CLC: variants seen among roughly 807,000 people sequenced by gnomAD.
CLC encodes galectin-10.
CLC carries 15 observed loss-of-function variants against 13.9 expected under a neutral mutation model. That is an observed-to-expected ratio of 1.08 (90% CI 0.72 to 1.66). The LOEUF (loss-of-function observed/expected upper bound fraction) is 1.66, where lower values mean the gene tolerates loss of function less well. CLC is among the 40% of genes most tolerant of loss of function. The pLI is 0.00. For synonymous variants in CLC, 68 were observed against 59.9 expected, an observed-to-expected ratio of 1.14 and a Z score of -0.63; for missense variants, 161 against 169.1, an observed-to-expected ratio of 0.95 and a Z score of 0.27.
chr19:39,734,793 C>T (rs181533160), intron 2 of CLC, among the ~76,000 whole-genome samples: 212 of 152,222 alleles, frequency 1.4e-3, no homozygotes, highest in African/African-American at 4.7e-3. Context: ...CCTTGAGTGT[C>T]CTTTACTCCT....
intron 2 of CLC, 40 bp from the exon 3 acceptor site, chr19:39,734,533 T>A: frequency 6.5e-7 from 1 of 1,541,658 alleles, no homozygotes; most frequent in Non-Finnish European, 9.0e-7. Context: ...GTCCCTTTCT[T>A]GTGGGGCACA....
chr19:39,733,864 A>G, intron 3 of CLC: 1 of 912,358 alleles, frequency 1.1e-6, no homozygotes, highest in Non-Finnish European at 1.3e-6. Context: ...ACTGACTAAA[A>G]CAATTTTATT....
chr19:39,734,941 T>A, intron 2 of CLC, 56 bp downstream of exon 2: 1 of 1,338,514 alleles, frequency 7.5e-7, no homozygotes, highest in Non-Finnish European at 1.1e-6. Context: ...GGTCACCCCC[T>A]TAGAAAATAT....
chr19:39,737,800 A>G, intron 1 of CLC, 138 bp downstream of exon 1: 1 of 852,368 alleles, frequency 1.2e-6, no homozygotes, highest in Non-Finnish European at 1.9e-6. Flanking sequence ...CCATAGCCCT[A>G]GGGTCTCTCT....
At chr19:39,734,742 T>C (rs1482453338) in intron 2 of CLC, among the ~76,000 whole-genome samples, 1 of 152,160 alleles carries the variant, frequency 6.6e-6, no homozygotes, top group East Asian at 1.9e-4. Context: ...ATTTTCTGAA[T>C]ATTCTATGCC....
chr19:39,735,337 T>A (rs1967292603), intron 1 of CLC, among the ~76,000 whole-genome samples: 1 of 152,222 alleles, frequency 6.6e-6, no homozygotes, highest in Non-Finnish European at 1.5e-5. Flanking sequence ...TTTGAACCTT[T>A]TTTTTAGACA....
intron 2 of CLC, 89 bp from the exon 3 acceptor site, chr19:39,734,582 G>A: frequency 8.9e-7 from 1 of 1,121,198 alleles, no homozygotes; most frequent in South Asian, 1.3e-5. Context: ...CCCTTCCGTG[G>A]TCGAGCAAAG....
chr19:39,734,411 C>T lies in CLC; in HGVS notation c.175G>A (p.Gly59Ser), dbSNP rs376785804. The T allele has an allele frequency of 3.7e-6, 6 of 1,613,992 alleles. No homozygotes were observed. The African/African-American group carries it at 6.7e-5, about 18-fold the overall frequency. The change falls in exon 3 of 4, where the codon GGT (glycine) becomes AGT (serine). Residue 59 changes from glycine (G) to serine (S), a missense_variant. By Grantham distance (56) the Gly-to-Ser change is moderately conservative (BLOSUM62 0). Transcript: ENST00000221804. ...CGGCTGTTCATGACCACACGACGAC[C>T]AAAGCACACTTGGAAATGGAAGACA... ...DIVFHFQVCF[G>S]RRVVMNSREY...
At chr19:39,735,137 G>T (rs1967289697) in intron 1 of CLC, 64 bp from the exon 2 acceptor site, 1 of 1,137,044 alleles carries the variant, frequency 8.8e-7, no homozygotes, top group Non-Finnish European at 1.3e-6. Flanking sequence ...TCCTGTAACA[G>T]ATTCCCATGG....
chr19:39,734,103 T>C, intron 3 of CLC, 180 bp downstream of exon 3: 1 of 982,440 alleles, frequency 1.0e-6, no homozygotes, highest in East Asian at 1.1e-4. Flanking sequence ...AACCCCTGTG[T>C]GTGTGATAAA....
At position 39,733,854 on chromosome 19, in the gene CLC, A is replaced by T. The variant is rs959220660; in HGVS notation, c.303+429T>A. Reference sequence around the variant, plus strand: ...GAGGAGTGAGAAGTCTTCATATTGGACTGACTAAAACAATTTTATTCATGT... The same window carrying T: ...GAGGAGTGAGAAGTCTTCATATTGGTCTGACTAAAACAATTTTATTCATGT... On this transcript the variant is annotated intron_variant, in intron 3 of 3. Coordinates refer to ENST00000221804, the MANE Select transcript of CLC (RefSeq NM_001828.6). The T allele has an allele frequency of 8.7e-6, 7 of 800,814 alleles. No individual in the cohort carries two copies. The African/African-American group carries it at 1.3e-4, about 15-fold the overall frequency. 49.6% of individuals were successfully genotyped at this position (800,814 alleles called of 1,614,324 possible). A position where few individuals can be genotyped will look rare whatever the true frequency, so the allele number is the denominator to read the frequency against.
intron 3 of CLC, among the ~76,000 whole-genome samples, chr19:39,733,460 A>C (rs867815874): frequency 1.3e-5 from 2 of 152,194 alleles, no homozygotes; most frequent in Non-Finnish European, 2.9e-5. Flanking sequence ...AATAGGGAAA[A>C]GTTGGCAATG....
intron 3 of CLC, among the ~76,000 whole-genome samples, chr19:39,733,509 T>A (rs546306621): frequency 1.3e-5 from 2 of 152,338 alleles, no homozygotes; most frequent in Admixed American, 6.5e-5. Context: ...CAGTAACATT[T>A]GTGAGAGCAA....
Position 39,735,051 on chromosome 19 carries a change from G to T in CLC, c.38C>A (p.Ser13Tyr), listed in dbSNP as rs539549246. ...TGTCACAGTAGAACCAGTAGACAAA[G>T]AGGCAGCCTCTGTGTATGGCACCTG... ...LLPVPYTEAA[S>Y]LSTGSTVTIK... The change falls in exon 2 of 4, where the codon TCT becomes TAT. Residue 13 changes from serine to tyrosine, a missense_variant. By Grantham distance (144) the Ser-to-Tyr change is moderately radical. Transcript: ENST00000221804. 9.3e-6 allele frequency: 15 copies of T among 1,613,926 alleles called. No individual in the cohort carries two copies. Among genetic ancestry groups the T allele is most frequent in the Non-Finnish European group, 1.3e-5 (15 of 1,179,832 alleles).
chr19:39,734,902 A>G (rs1041215616), intron 2 of CLC, 95 bp downstream of exon 2: 2 of 993,474 alleles, frequency 2.0e-6, no homozygotes, highest in Non-Finnish European at 3.2e-6. Flanking sequence ...CATCCTGCCA[A>G]CTAGACTTTC....
At chr19:39,731,536 CA>C (rs1335495795) in intron 3 of CLC, 31 bp from the exon 4 acceptor site, 2 of 1,579,954 alleles carry the variant, frequency 1.3e-6, no homozygotes, top group Non-Finnish European at 1.7e-6. Context: ...ATCAGAAAGA[CA>C]GTATTTCACC....
At chr19:39,737,073 T>G (rs780423518) in intron 1 of CLC, among the ~76,000 whole-genome samples, 1 of 151,894 alleles carries the variant, frequency 6.6e-6, no homozygotes, top group African/African-American at 2.4e-5. Flanking sequence ...TTCAGTCTCT[T>G]AAATCAAGTC....
intron 1 of CLC, among the ~76,000 whole-genome samples, 169 bp from the exon 2 acceptor site, chr19:39,735,242 T>C (rs922730086): frequency 3.9e-5 from 6 of 152,160 alleles, no homozygotes; most frequent in African/African-American, 1.4e-4. Context: ...ATGGGGCCCA[T>C]GGTTAAGAGC....
In CLC at chr19:39,734,480, G is replaced by C. The variant is rs764821823; in HGVS notation, c.106C>G (p.Leu36Val). 1.2e-4 allele frequency: 186 copies of C among 1,613,874 alleles called. No individual in the cohort carries two copies. The highest frequency in any genetic ancestry group is 7.2e-4 in the South Asian group (66 of 91,092). ...PLACFLNEPY[L>V]QVDFHTEMKE... is the part of the protein sequence containing the mutation. ...ATCTCAGTGTGGAAATCCACCTGCA[G>C]ATATGGTTCATTCCTGAGGGCAGAG... The change falls in exon 3 of 4, where the codon CTG becomes GTG. Residue 36 changes from leucine to valine, a missense_variant. Coordinates refer to ENST00000221804, the MANE Select transcript of CLC (RefSeq NM_001828.6).
Sources: allele counts gnomAD v4.1 joint callset (sites outside exome capture counted in the v4.1 genomes callset), GRCh38; gene constraint gnomAD v4.1.1; transcripts MANE v1.5; gene names NCBI Gene and HGNC (gene_info 2026-07-23, HGNC 2026-07-21).